The following DNAH12 variants were observed in gnomAD, a reference collection of about 807,000 sequenced individuals.
DNAH12 encodes the protein axonemal beta dynein heavy chain 12.
In DNAH12, 285 loss-of-function variants were observed where a neutral mutation model predicts 371.5. That is an observed-to-expected ratio of 0.77 (90% CI 0.70 to 0.85). The LOEUF (loss-of-function observed/expected upper bound fraction) is 0.85. Ranked by LOEUF, DNAH12 falls within the 40% of genes least tolerant of loss-of-function variation. DNAH12 has a pLI of 0.00. For synonymous variants in DNAH12, 1,200 were observed against 1,213.0 expected (o/e 0.99, Z 0.22); for missense variants, 3,611 against 3,689.4 (o/e 0.98, Z 0.55).
At chr3:57,528,036 TA>T (rs2068708634) in intron 2 of DNAH12, among the ~76,000 whole-genome samples, 4 of 152,116 alleles carry the variant, frequency 2.6e-5, no homozygotes, top group Admixed American at 2.0e-4. Flanking sequence ...TTAATCTATT[TA>T]TTTTTTTTGA....
In DNAH12 at chr3:57,510,964, TATAA is replaced by T. The variant is rs764094916; in HGVS notation, c.291_294del (p.Tyr98Ter). On this transcript the variant is annotated frameshift_variant, in exon 5 of 74. Transcript: ENST00000495027. LOFTEE classifies it high-confidence loss of function. ...GGACTACTTTCTACACATTGCTTCA[TATAA>T]ATATAGTTGAACTGAGAACATAAGA... 1 of 1,598,684 alleles carries T rather than the reference TATAA, an allele frequency of 6.3e-7. No homozygotes were observed. Among genetic ancestry groups the T allele is most frequent in the Admixed American group, 1.9e-5 (1 of 53,916 alleles).
chr3:57,400,162 CCTG>C (rs2063827420), intron 43 of DNAH12, among the ~76,000 whole-genome samples: 4 of 152,256 alleles, frequency 2.6e-5, no homozygotes, highest in African/African-American at 9.6e-5. Flanking sequence ...GTGGTGTGCA[CCTG>C]TAATCCCAGC....
At chr3:57,302,551 A>T (rs1380196579) in intron 69 of DNAH12, among the ~76,000 whole-genome samples, 4 of 88,268 alleles carry the variant, frequency 4.5e-5, no homozygotes, top group African/African-American at 8.3e-5. Flanking sequence ...ATATATATAT[A>T]TATATATATA....
rs71088070 is a variant in DNAH12 at position 57,427,138 on chromosome 3, A to ATGTGTGTGTGTGTGTGTG, written c.5253+1477_5253+1494dup. On this transcript the variant is annotated intron_variant, in intron 34 of 73. Coordinates refer to ENST00000495027, the MANE Select transcript of DNAH12 (RefSeq NM_001366028.2). ...ATATTTATTTATATGTAAGAAGCGA[A>ATGTGTGTGTGTGTGTGTG]TGTGTGTGTGTGTGTGTGTGTGTGT... is the stretch of plus-strand genomic sequence containing the variant. Among the ~76,000 whole-genome samples the ATGTGTGTGTGTGTGTGTG allele has an allele frequency of 6.7e-3, 934 of 138,846 alleles. 19 individuals are homozygous for ATGTGTGTGTGTGTGTGTG. Among genetic ancestry groups the ATGTGTGTGTGTGTGTGTG allele is most frequent in the African/African-American group, 0.018 (662 of 36,010 alleles). 91.1% of individuals were successfully genotyped at this position (138,846 alleles called of 152,430 possible). A position where few individuals can be genotyped will look rare whatever the true frequency, so the allele number is the denominator to read the frequency against.
chr3:57,543,340 T>TTTTA (rs2069383468), intron 1 of DNAH12, among the ~76,000 whole-genome samples: 1 of 112,140 alleles, frequency 8.9e-6, no homozygotes, highest in African/African-American at 3.1e-5. Context: ...TTTTTTTTTT[T>TTTTA]GAGACAGATT....
intron 59 of DNAH12, among the ~76,000 whole-genome samples, chr3:57,355,642 C>T (rs1246020587): frequency 1.3e-5 from 2 of 152,262 alleles, no homozygotes; most frequent in Non-Finnish European, 2.9e-5. Flanking sequence ...ATCCAACCAG[C>T]AGTGTAAGAG....
intron 58 of DNAH12, among the ~76,000 whole-genome samples, chr3:57,361,330 CAA>C (rs2062922648): frequency 6.6e-6 from 1 of 150,888 alleles, no homozygotes; most frequent in African/African-American, 2.5e-5. Flanking sequence ...GCCTGGACAA[CAA>C]GAGTAAAACT....
At chr3:57,531,390 TC>T (rs1476510675) in intron 2 of DNAH12, among the ~76,000 whole-genome samples, 1 of 152,206 alleles carries the variant, frequency 6.6e-6, no homozygotes, top group African/African-American at 2.4e-5. Flanking sequence ...ATACTGGAGT[TC>T]CATTGTATGT....
At chr3:57,354,961 G>A (rs1483703822) in intron 59 of DNAH12, among the ~76,000 whole-genome samples, 3 of 152,152 alleles carry the variant, frequency 2.0e-5, no homozygotes, top group African/African-American at 7.2e-5. Flanking sequence ...GGTTGCCAAG[G>A]GTTACGGAAG....
chr3:57,355,422 A>G (rs2062775336), intron 59 of DNAH12, among the ~76,000 whole-genome samples: 1 of 151,752 alleles, frequency 6.6e-6, no homozygotes, highest in Non-Finnish European at 1.5e-5. Flanking sequence ...ATTTCACATG[A>G]ATAACATCAC....
At chr3:57,463,830 C>T (rs1455802172) in intron 17 of DNAH12, among the ~76,000 whole-genome samples, 3 of 151,992 alleles carry the variant, frequency 2.0e-5, no homozygotes, top group Non-Finnish European at 4.4e-5. Context: ...TGCAGTGATG[C>T]GATCTCGGCT....
chr3:57,511,751 G>A (rs1575710691), intron 4 of DNAH12, among the ~76,000 whole-genome samples: 1 of 152,044 alleles, frequency 6.6e-6, no homozygotes, highest in Non-Finnish European at 1.5e-5. Context: ...ACAACAGAAA[G>A]TCCAAAAATA....
intron 62 of DNAH12, among the ~76,000 whole-genome samples, chr3:57,324,449 CA>C (rs2153297020): frequency 6.6e-6 from 1 of 152,244 alleles, no homozygotes; most frequent in African/African-American, 2.4e-5. Context: ...GCAGTCTACA[CA>C]TGTTGCTGTG....
At chr3:57,490,669 G>A (rs1040280720) in intron 11 of DNAH12, among the ~76,000 whole-genome samples, 2 of 151,502 alleles carry the variant, frequency 1.3e-5, no homozygotes, top group Non-Finnish European at 2.9e-5. Context: ...TCTCAATGCT[G>A]TCCTATTTTT....
rs540332494 is a variant in DNAH12 at position 57,526,885 on chromosome 3, G to T, written c.171-3001C>A. ...GTCTTACTCTGTCACCCAGGTTGGG[G>T]TGTGGGTGGCACTATCTCAGCTCAC... On this transcript the variant is annotated intron_variant, in intron 2 of 73. Transcript: ENST00000495027. Among the ~76,000 whole-genome samples the T allele has an allele frequency of 3.7e-4, 56 of 151,178 alleles. No homozygotes were observed. In the South Asian group the frequency reaches 0.011, roughly 29 times the overall value.
intron 17 of DNAH12, among the ~76,000 whole-genome samples, chr3:57,464,181 T>C (rs1014089764): frequency 2.0e-5 from 3 of 151,978 alleles, no homozygotes; most frequent in Admixed American, 1.3e-4. Flanking sequence ...CGCCAGTGCC[T>C]GAAGGGATAA....
intron 16 of DNAH12, among the ~76,000 whole-genome samples, chr3:57,469,227 A>G (rs1014516987): frequency 1.3e-5 from 2 of 152,232 alleles, no homozygotes; most frequent in Admixed American, 6.5e-5. Context: ...GTACCCACAT[A>G]AAATGCAGGT....
intron 66 of DNAH12, among the ~76,000 whole-genome samples, chr3:57,312,615 A>G (rs746124563): frequency 6.6e-6 from 1 of 152,210 alleles, no homozygotes; most frequent in Non-Finnish European, 1.5e-5. Context: ...TGTTGGGGCT[A>G]GAAAGGTTGA....
intron 55 of DNAH12, among the ~76,000 whole-genome samples, chr3:57,370,607 C>T (rs1301539849): frequency 6.6e-6 from 1 of 152,218 alleles, no homozygotes; most frequent in African/African-American, 2.4e-5. Context: ...AACAGCATGA[C>T]TGGCTAAAAA....
Sources: allele counts gnomAD v4.1 joint callset (sites outside exome capture counted in the v4.1 genomes callset), GRCh38; gene constraint gnomAD v4.1.1; transcripts MANE v1.5; gene names NCBI Gene and HGNC (gene_info 2026-07-23, HGNC 2026-07-21).